Variants in ZNF148 observed in about 807,000 individuals in gnomAD.
ZNF148 encodes zinc finger protein 148.
In ZNF148, 7 loss-of-function variants were observed where a neutral mutation model predicts 67.7. That is an observed-to-expected ratio of 0.10 (90% CI 0.06 to 0.19). The LOEUF is 0.19. Among genes scored for constraint, ZNF148 ranks in the 10% least tolerant of loss-of-function variants. The pLI is 1.00. For synonymous variants in ZNF148, 333 were observed against 330.7 expected (o/e 1.01, Z -0.08); for missense variants, 583 against 947.1 (o/e 0.62, Z 5.05).
rs1175477691 is a variant in ZNF148 at position 125,226,966 on chromosome 3, G to C, written c.*5375C>G. The C allele has an allele frequency of 1.3e-5, 2 of 151,928 alleles. No individual in the cohort carries two copies. The highest frequency in any genetic ancestry group is 2.9e-5 in the Non-Finnish European group (2 of 67,974). The allele number at this position is 151,928 out of a possible 1,614,324, so 9.4% of individuals were successfully genotyped here. ...TTAAAATTTAGTGCTCCTATTTTTT[G>C]GGGGAGAGGGGAAGGAAAGACCCAT... On this transcript the variant is annotated 3_prime_UTR_variant, in exon 9 of 9. Transcript: ENST00000360647.
intron 7 of ZNF148, among the ~76,000 whole-genome samples, chr3:125,250,738 T>C (rs775867042): frequency 3.3e-5 from 5 of 152,204 alleles, no homozygotes; most frequent in African/African-American, 4.8e-5. Context: ...ATTTGACTAT[T>C]TGGTTAGTTC....
In ZNF148 at chr3:125,350,635, T is replaced by C. The variant is rs1418886954; in HGVS notation, c.-233-19397A>G. ...AGGCATTAGATTCTCAAAAGGAGCA[T>C]GTAAAACAGATTCCTCACCTGCGCC... On this transcript the variant is annotated intron_variant, in intron 1 of 8. Transcript: ENST00000360647. 4.6e-5 allele frequency among the ~76,000 whole-genome samples: 7 copies of C among 152,220 alleles called. No homozygotes were observed. The East Asian group carries it at 5.8e-4, about 13-fold the overall frequency.
In ZNF148 at chr3:125,334,177, T is replaced by C. The variant is rs535550940; in HGVS notation, c.-233-2939A>G. On this transcript the variant is annotated intron_variant, in intron 1 of 8. Transcript: ENST00000360647. ...CCACCCTTCCGCTATTTAGTTTTGA[T>C]AGACTGGCAATGTTCCAATATACTT... is the stretch of plus-strand genomic sequence containing the variant. 4.6e-5 allele frequency among the ~76,000 whole-genome samples: 7 copies of C among 152,348 alleles called. No individual in the cohort carries two copies. In the East Asian group the frequency reaches 1.2e-3, roughly 25 times the overall value.
At chr3:125,291,638 ACTT>A (rs1939021524) in intron 4 of ZNF148, among the ~76,000 whole-genome samples, 2 of 152,050 alleles carry the variant, frequency 1.3e-5, no homozygotes, top group African/African-American at 4.8e-5. Flanking sequence ...ACTACTAGCT[ACTT>A]CTTCTCTTCT....
intron 7 of ZNF148, among the ~76,000 whole-genome samples, chr3:125,244,186 C>T (rs34533587): frequency 0.014 from 2,081 of 152,260 alleles, 28 homozygotes; most frequent in Middle Eastern, 0.041. Flanking sequence ...GAGACTGTTT[C>T]CCCAATGTGA....
intron 1 of ZNF148, among the ~76,000 whole-genome samples, chr3:125,350,640 AAC>A (rs1425872530): frequency 6.6e-6 from 1 of 152,214 alleles, no homozygotes; most frequent in Non-Finnish European, 1.5e-5. Context: ...GAGCATGTAA[AAC>A]AGATTCCTCA....
intron 7 of ZNF148, among the ~76,000 whole-genome samples, chr3:125,240,841 A>G (rs914737097): frequency 6.6e-6 from 1 of 152,092 alleles, no homozygotes; most frequent in Non-Finnish European, 1.5e-5. Flanking sequence ...AATTTGTACA[A>G]ATGTTCTTTT....
chr3:125,241,457 G>C (rs1560107734), intron 7 of ZNF148, among the ~76,000 whole-genome samples: 1 of 151,770 alleles, frequency 6.6e-6, no homozygotes, highest in African/African-American at 2.4e-5. Context: ...CACAACATAA[G>C]TAAAAATGAA....
At chr3:125,352,265 A>G (rs2107761033) in intron 1 of ZNF148, among the ~76,000 whole-genome samples, 2 of 152,334 alleles carry the variant, frequency 1.3e-5, no homozygotes, top group Middle Eastern at 3.4e-3. Flanking sequence ...GTAACATTAC[A>G]CTAAGTAAAA....
At position 125,323,387 on chromosome 3, in the gene ZNF148, C is replaced by T. The variant is rs1307364388; in HGVS notation, c.-95G>A. ...AAAAGAAATCATGGTTGAGTTTCTACCTTTCATAGGCTTCAGAAATCCTCA... is the reference window on the plus strand; with the variant it reads ...AAAAGAAATCATGGTTGAGTTTCTATCTTTCATAGGCTTCAGAAATCCTCA... On this transcript the variant is annotated 5_prime_UTR_variant, in exon 3 of 9. Coordinates refer to ENST00000360647, the MANE Select transcript of ZNF148 (RefSeq NM_021964.3). 1.4e-6 allele frequency: 1 copy of T among 697,014 alleles called. No homozygotes were observed. Among genetic ancestry groups the T allele is most frequent in the African/African-American group, 1.8e-5 (1 of 57,000 alleles). The allele number at this position is 697,014 out of a possible 1,614,324, so 43.2% of individuals were successfully genotyped here. A position where few individuals can be genotyped will look rare whatever the true frequency, so the allele number is the denominator to read the frequency against.
intron 1 of ZNF148, among the ~76,000 whole-genome samples, chr3:125,335,822 G>A (rs774471786): frequency 4.6e-5 from 7 of 152,140 alleles, no homozygotes; most frequent in South Asian, 2.1e-4. Flanking sequence ...ATATCTTTAC[G>A]TTGTTTGCAG....
chr3:125,327,228 T>A (rs995816307), intron 2 of ZNF148, among the ~76,000 whole-genome samples: 1 of 150,180 alleles, frequency 6.7e-6, no homozygotes, highest in African/African-American at 2.5e-5. Context: ...CTAAAAAGAG[T>A]CCCAAAATAA....
intron 5 of ZNF148, among the ~76,000 whole-genome samples, chr3:125,280,491 G>C (rs1938318573): frequency 6.6e-6 from 1 of 151,922 alleles, no homozygotes; most frequent in South Asian, 2.1e-4. Context: ...AGACCAGCCT[G>C]GGCAAAATGA....
chr3:125,335,540 T>C (rs930790005), intron 1 of ZNF148, among the ~76,000 whole-genome samples: 23 of 152,190 alleles, frequency 1.5e-4, no homozygotes, highest in African/African-American at 5.5e-4. Flanking sequence ...AAGTCCACTA[T>C]AAACTTTATG....
chr3:125,234,732 T>C (rs1157226232), intron 7 of ZNF148, among the ~76,000 whole-genome samples: 1 of 152,196 alleles, frequency 6.6e-6, no homozygotes, highest in Non-Finnish European at 1.5e-5. Context: ...TTTAACTCAA[T>C]TCCTTTTTTA....
chr3:125,320,042 G>A (rs1301128456), intron 3 of ZNF148, among the ~76,000 whole-genome samples: 2 of 152,130 alleles, frequency 1.3e-5, no homozygotes, highest in African/African-American at 4.8e-5. Flanking sequence ...CTTTTCTCCT[G>A]TGGGAGGATT....
At chr3:125,289,936 T>C (rs1307712803) in intron 4 of ZNF148, among the ~76,000 whole-genome samples, 2 of 152,292 alleles carry the variant, frequency 1.3e-5, no homozygotes, top group Non-Finnish European at 2.9e-5. Flanking sequence ...AAAGTGATTA[T>C]ATTAATACTG....
intron 1 of ZNF148, among the ~76,000 whole-genome samples, chr3:125,366,520 T>C (rs1258363000): frequency 6.6e-6 from 1 of 151,622 alleles, no homozygotes; most frequent in Non-Finnish European, 1.5e-5. Context: ...AGCTTTTTTT[T>C]CTTCCCCCTT....
chr3:125,322,545 G>T (rs1039680621), intron 3 of ZNF148, among the ~76,000 whole-genome samples: 2 of 151,976 alleles, frequency 1.3e-5, no homozygotes, highest in Non-Finnish European at 2.9e-5. Flanking sequence ...TCCTCTTAAA[G>T]GTAAAGAGAA....
Sources: gnomAD v4.1 joint callset for allele counts (sites outside exome capture counted in the v4.1 genomes callset) on GRCh38, gnomAD v4.1.1 for gene constraint, MANE v1.5 for transcripts, NCBI Gene and HGNC (gene_info 2026-07-23, HGNC 2026-07-21) for gene names.